Variants in AKAP6 observed in about 807,000 individuals in gnomAD.
AKAP6 encodes the protein A-kinase anchoring protein 6.
AKAP6 carries 58 observed loss-of-function variants against 188.5 expected under a neutral mutation model. The observed-to-expected ratio is 0.31, with a 90% CI of 0.25 to 0.38. AKAP6 has a LOEUF of 0.38. Ranked by LOEUF, AKAP6 falls within the 10% of genes least tolerant of loss-of-function variation. AKAP6 has a pLI of 1.00. For synonymous variants in AKAP6, 989 were observed against 998.6 expected (o/e 0.99, Z 0.18); for missense variants, 2,710 against 2,740.0 (o/e 0.99, Z 0.24).
At chr14:32,613,314 A>T (rs1886430317) in intron 7 of AKAP6, among the ~76,000 whole-genome samples, 1 of 152,232 alleles carries the variant, frequency 6.6e-6, no homozygotes, top group African/African-American at 2.4e-5. Flanking sequence ...ATGTGGCTAA[A>T]ACCATTCATT....
At chr14:32,437,731 A>G (rs1434264971) in intron 2 of AKAP6, among the ~76,000 whole-genome samples, 2 of 151,896 alleles carry the variant, frequency 1.3e-5, no homozygotes, top group Admixed American at 1.3e-4. Context: ...CAAGTAGCTG[A>G]GACTACAAGT....
intron 12 of AKAP6, among the ~76,000 whole-genome samples, chr14:32,786,130 T>C (rs1566709931): frequency 1.3e-5 from 2 of 151,972 alleles, no homozygotes; most frequent in East Asian, 3.9e-4. Context: ...TGCAGACAGA[T>C]TTTTCCACAA....
intron 2 of AKAP6, among the ~76,000 whole-genome samples, chr14:32,517,371 C>T (rs535784458): frequency 4.6e-5 from 7 of 152,282 alleles, no homozygotes; most frequent in Middle Eastern, 3.4e-3. Flanking sequence ...GTGTAAGTGA[C>T]GCAGAAGACG....
At chr14:32,618,079 A>G (rs543758973) in intron 7 of AKAP6, among the ~76,000 whole-genome samples, 2 of 152,328 alleles carry the variant, frequency 1.3e-5, no homozygotes, top group Admixed American at 1.3e-4. Flanking sequence ...AGGGAAAGCT[A>G]CTTTTTAATG....
At chr14:32,660,294 C>T (rs1888631843) in intron 7 of AKAP6, among the ~76,000 whole-genome samples, 1 of 152,124 alleles carries the variant, frequency 6.6e-6, no homozygotes, top group Non-Finnish European at 1.5e-5. Context: ...GTCTTTATAA[C>T]TTGAAGAGCA....
chr14:32,520,606 A>G (rs901364831), intron 2 of AKAP6, among the ~76,000 whole-genome samples: 1 of 152,230 alleles, frequency 6.6e-6, no homozygotes, highest in Non-Finnish European at 1.5e-5. Context: ...GAAGAAATGG[A>G]TAAATTCCTG....
intron 7 of AKAP6, among the ~76,000 whole-genome samples, chr14:32,613,745 C>G (rs1316655210): frequency 6.6e-6 from 1 of 152,156 alleles, no homozygotes; most frequent in African/African-American, 2.4e-5. Context: ...CACCTTCACA[C>G]TGACCACTTT....
At chr14:32,423,872 T>C (rs1889940943) in intron 1 of AKAP6, among the ~76,000 whole-genome samples, 1 of 152,164 alleles carries the variant, frequency 6.6e-6, no homozygotes, top group Non-Finnish European at 1.5e-5. Flanking sequence ...AAATCTATAA[T>C]GCTAAGATTG....
At chr14:32,621,806 GA>G (rs1468394999) in intron 7 of AKAP6, among the ~76,000 whole-genome samples, 1 of 152,092 alleles carries the variant, frequency 6.6e-6, no homozygotes, top group African/African-American at 2.4e-5. Flanking sequence ...TGCATACTTG[GA>G]CATTTTAAGC....
intron 7 of AKAP6, among the ~76,000 whole-genome samples, chr14:32,622,191 T>A (rs182597992): frequency 6.6e-6 from 1 of 152,140 alleles, no homozygotes; most frequent in African/African-American, 2.4e-5. Flanking sequence ...CTTCATAATT[T>A]TAATGTATGT....
intron 1 of AKAP6, among the ~76,000 whole-genome samples, chr14:32,407,945 C>T (rs1594584677): frequency 6.6e-6 from 1 of 152,314 alleles, no homozygotes; most frequent in East Asian, 1.9e-4. Context: ...AGTTTCCTTG[C>T]TGAACTGCAG....
intron 12 of AKAP6, among the ~76,000 whole-genome samples, chr14:32,798,410 TA>T (rs2033839985): frequency 6.6e-6 from 1 of 152,026 alleles, no homozygotes. Flanking sequence ...CATACTACTG[TA>T]AAGATACATA....
Position 32,704,794 on chromosome 14 carries a change from T to A in AKAP6, c.3000+8684T>A, listed in dbSNP as rs958451892. Among the ~76,000 whole-genome samples the A allele has an allele frequency of 2.0e-5, 3 of 152,172 alleles. No homozygotes were observed. In the South Asian group the frequency reaches 6.2e-4, roughly 32 times the overall value. ...AGGCTTAATGTTCCATGTAATTACA[T>A]CAGGAAGGCATTGGTTATCATAATT... On this transcript the variant is annotated intron_variant, in intron 9 of 13. Coordinates refer to ENST00000280979, the MANE Select transcript of AKAP6 (RefSeq NM_004274.5).
intron 7 of AKAP6, among the ~76,000 whole-genome samples, chr14:32,607,906 C>G (rs1886188589): frequency 6.6e-6 from 1 of 152,058 alleles, no homozygotes; most frequent in Non-Finnish European, 1.5e-5. Context: ...TCAATAGCCC[C>G]TTTTTTTCGT....
At chr14:32,751,425 T>C (rs1412867187) in intron 11 of AKAP6, among the ~76,000 whole-genome samples, 2 of 152,090 alleles carry the variant, frequency 1.3e-5, no homozygotes, top group Non-Finnish European at 2.9e-5. Flanking sequence ...GAAGATATGC[T>C]TCTCTTTTAT....
chr14:32,764,453 C>T (rs531276405), intron 11 of AKAP6, among the ~76,000 whole-genome samples: 1 of 152,308 alleles, frequency 6.6e-6, no homozygotes, highest in East Asian at 1.9e-4. Flanking sequence ...AACTTTATGG[C>T]TATGGCCACT....
intron 9 of AKAP6, among the ~76,000 whole-genome samples, chr14:32,696,653 A>T (rs1890415385): frequency 6.6e-6 from 1 of 152,182 alleles, no homozygotes; most frequent in Admixed American, 6.5e-5. Flanking sequence ...CTTGAAACTC[A>T]TGTATTGATT....
rs1180319610 is a variant in AKAP6 at position 32,599,440 on chromosome 14, G to A, written c.2500G>A (p.Ala834Thr). 1.2e-6 allele frequency: 2 copies of A among 1,612,980 alleles called. No homozygotes were observed. Among genetic ancestry groups the A allele is most frequent in the African/African-American group, 2.7e-5 (2 of 74,826 alleles). Reference sequence around the variant, plus strand: ...TAAGTTGAATGTAGACAGTCATTGTGCTCTCAAGGAAGCTGTGGAGGAGGA... The same window carrying A: ...TAAGTTGAATGTAGACAGTCATTGTACTCTCAAGGAAGCTGTGGAGGAGGA... The part of the protein sequence containing the change: ...SFKLNVDSHC[A>T]LKEAVEEEGH... Residue 834 changes from alanine (A) to threonine (T), a missense_variant, in exon 6 of 14, where the codon GCT becomes ACT. Ala to Thr is a moderately conservative substitution (Grantham distance 58). Around this residue, in one of 2 missense-constraint regions of AKAP6, gnomAD observed 2,473 missense variants for 2,426.1 expected, o/e 1.02. Coordinates refer to ENST00000280979, the MANE Select transcript of AKAP6 (RefSeq NM_004274.5).
intron 3 of AKAP6, among the ~76,000 whole-genome samples, chr14:32,540,192 A>ATATATATATT (rs1406480125): frequency 3.7e-4 from 46 of 123,416 alleles, no homozygotes; most frequent in African/African-American, 1.4e-3. Flanking sequence ...ATATATATAT[A>ATATATATATT]TTTTAATTTT....
Sources: allele counts gnomAD v4.1 joint callset (sites outside exome capture counted in the v4.1 genomes callset), GRCh38; gene constraint gnomAD v4.1.1; regional missense constraint gnomAD v4.1.1; transcripts MANE v1.5; gene names NCBI Gene and HGNC (gene_info 2026-07-23, HGNC 2026-07-21).